PLCB1: variants seen among roughly 807,000 people sequenced by gnomAD.
PLCB1 encodes the protein phospholipase C beta 1.
PLCB1 carries 46 observed loss-of-function variants against 161.8 expected under a neutral mutation model. That is an observed-to-expected ratio of 0.28 (90% CI 0.22 to 0.36). The LOEUF is 0.36. Among genes scored for constraint, PLCB1 ranks in the 10% least tolerant of loss-of-function variants. PLCB1 has a pLI of 1.00. For missense variants in PLCB1, 1,016 were observed against 1,472.5 expected, an observed-to-expected ratio of 0.69 and a Z score of 5.07; for synonymous variants, 517 against 503.7, an observed-to-expected ratio of 1.03 and a Z score of -0.35.
chr20:8,661,376 G>A (rs1429502989), intron 9 of PLCB1, among the ~76,000 whole-genome samples: 18 of 152,058 alleles, frequency 1.2e-4, no homozygotes, highest in Non-Finnish European at 2.2e-4. Flanking sequence ...CTAGCACGTG[G>A]GAAGGACAGA....
chr20:8,700,636 G>A (rs1990680480), intron 11 of PLCB1, among the ~76,000 whole-genome samples: 1 of 152,242 alleles, frequency 6.6e-6, no homozygotes, highest in African/African-American at 2.4e-5. Flanking sequence ...GGAGTTGGGA[G>A]TGGGGAGGTG....
intron 3 of PLCB1, among the ~76,000 whole-genome samples, chr20:8,496,290 C>G (rs1454128997): frequency 6.9e-6 from 1 of 144,516 alleles, no homozygotes; most frequent in Non-Finnish European, 1.5e-5. Flanking sequence ...CCCAGAAGTT[C>G]GAGACCAGCC....
intron 3 of PLCB1, among the ~76,000 whole-genome samples, chr20:8,583,583 C>G (rs1004009249): frequency 6.6e-6 from 1 of 152,176 alleles, no homozygotes; most frequent in African/African-American, 2.4e-5. Flanking sequence ...ACTTTATGAT[C>G]TGTGTGCTTT....
chr20:8,261,516 C>G (rs1374501184), intron 2 of PLCB1, among the ~76,000 whole-genome samples: 2 of 152,072 alleles, frequency 1.3e-5, no homozygotes, highest in Non-Finnish European at 2.9e-5. Flanking sequence ...TGATGTCGAG[C>G]CTTATGAAGA....
intron 3 of PLCB1, among the ~76,000 whole-genome samples, chr20:8,522,067 C>T (rs1322262064): frequency 6.6e-6 from 1 of 152,188 alleles, no homozygotes; most frequent in East Asian, 1.9e-4. Context: ...CCAAGAGTCA[C>T]CTTCTCCTGT....
chr20:8,710,156 G>A (rs1324785731), intron 12 of PLCB1, among the ~76,000 whole-genome samples: 2 of 144,784 alleles, frequency 1.4e-5, no homozygotes, highest in African/African-American at 5.2e-5. Flanking sequence ...GAAGCATGGT[G>A]GCATCTGCTC....
intron 3 of PLCB1, among the ~76,000 whole-genome samples, chr20:8,573,599 C>G (rs1986590952): frequency 6.6e-6 from 1 of 152,316 alleles, no homozygotes; most frequent in South Asian, 2.1e-4. Flanking sequence ...TATTCACATT[C>G]TAATTCAAAG....
chr20:8,275,149 G>C (rs927155579), intron 2 of PLCB1, among the ~76,000 whole-genome samples: 2 of 151,888 alleles, frequency 1.3e-5, no homozygotes, highest in African/African-American at 2.4e-5. Flanking sequence ...AGGCTGAAGG[G>C]AATACTGATG....
chr20:8,349,027 T>A (rs1028801321), intron 2 of PLCB1, among the ~76,000 whole-genome samples: 3 of 152,118 alleles, frequency 2.0e-5, no homozygotes, highest in African/African-American at 7.2e-5. Context: ...CACATACATA[T>A]ATATACACAC....
chr20:8,794,341 C>T (rs1964814), intron 31 of PLCB1, among the ~76,000 whole-genome samples: 98,620 of 152,056 alleles, frequency 0.65, 32,203 homozygotes, highest in East Asian at 0.85. Flanking sequence ...TAAAGACAGG[C>T]GTAAGAAATT....
chr20:8,436,285 G>A (rs917509728), intron 3 of PLCB1, among the ~76,000 whole-genome samples: 3 of 149,388 alleles, frequency 2.0e-5, no homozygotes, highest in Admixed American at 6.7e-5. Context: ...CACTGAGATC[G>A]CGCCACCGAA....
At chr20:8,820,061 C>A (rs1455935242) in intron 31 of PLCB1, among the ~76,000 whole-genome samples, 1 of 148,044 alleles carries the variant, frequency 6.8e-6, no homozygotes, top group Admixed American at 6.8e-5. Flanking sequence ...CATATAAATA[C>A]TTGTTACACT....
chr20:8,865,332 A>G (rs1987390891), intron 31 of PLCB1, among the ~76,000 whole-genome samples: 1 of 152,230 alleles, frequency 6.6e-6, no homozygotes, highest in African/African-American at 2.4e-5. Context: ...ATAACCAAAA[A>G]GGCCCCCAGA....
intron 2 of PLCB1, among the ~76,000 whole-genome samples, chr20:8,276,977 CTTCTTCTTCTTATTA>C (rs1431916326): frequency 2.4e-3 from 233 of 95,968 alleles, no homozygotes; most frequent in Non-Finnish European, 3.3e-3. Context: ...TCTTCTTCTT[CTTCTTCTTCTTATTA>C]TTATTATTAT....
intron 9 of PLCB1, among the ~76,000 whole-genome samples, chr20:8,661,427 G>A (rs1266609210): frequency 2.6e-5 from 4 of 152,114 alleles, no homozygotes; most frequent in African/African-American, 4.8e-5. Context: ...TAAAGGGCCA[G>A]CCACCTGCTA....
At chr20:8,564,218 A>C (rs530478350) in intron 3 of PLCB1, among the ~76,000 whole-genome samples, 2 of 152,296 alleles carry the variant, frequency 1.3e-5, no homozygotes, top group South Asian at 4.1e-4. Flanking sequence ...CAAACCTTAC[A>C]AAAACAAGCA....
chr20:8,744,942 A>C (rs1981092216), intron 23 of PLCB1, among the ~76,000 whole-genome samples: 1 of 152,154 alleles, frequency 6.6e-6, no homozygotes. Context: ...GTAGAGTTTT[A>C]GGTCAATCTT....
At chr20:8,407,288 G>A (rs1445002153) in intron 3 of PLCB1, among the ~76,000 whole-genome samples, 1 of 152,036 alleles carries the variant, frequency 6.6e-6, no homozygotes, top group Non-Finnish European at 1.5e-5. Flanking sequence ...CACAGATAAC[G>A]AGTATCTTCC....
At chr20:8,600,378 C>T (rs1230242841) in intron 3 of PLCB1, among the ~76,000 whole-genome samples, 2 of 115,854 alleles carry the variant, frequency 1.7e-5, no homozygotes, top group East Asian at 2.5e-4. Context: ...GTCAGTGTGC[C>T]CCTGCTGGGG....
Sources: allele counts gnomAD v4.1 joint callset (sites outside exome capture counted in the v4.1 genomes callset), GRCh38; gene constraint gnomAD v4.1.1; transcripts MANE v1.5; gene names NCBI Gene and HGNC (gene_info 2026-07-23, HGNC 2026-07-21).